Variants in EYS observed in about 807,000 individuals in gnomAD.
EYS encodes the protein protein eyes shut homolog.
A neutral mutation model predicts 282.1 loss-of-function variants in EYS; 250 were observed. The ratio of observed to expected loss-of-function variants is 0.89; its 90% confidence interval spans 0.80 to 0.98. The LOEUF is 0.98. Ranked by LOEUF, EYS falls within the 50% of genes least tolerant of loss-of-function variation. EYS has a pLI of 0.00. For missense variants in EYS, 4,016 were observed against 3,709.0 expected (o/e 1.08, Z -2.15); for synonymous variants, 1,355 against 1,282.9 (o/e 1.06, Z -1.20).
intron 41 of EYS, among the ~76,000 whole-genome samples, chr6:63,760,577 A>G (rs1204580553): frequency 6.6e-6 from 1 of 151,960 alleles, no homozygotes. Context: ...GAAATCTTCT[A>G]GACTTTCTTT....
chr6:64,672,448 T>C (rs923312527), intron 22 of EYS, among the ~76,000 whole-genome samples: 1 of 152,312 alleles, frequency 6.6e-6, no homozygotes, highest in East Asian at 1.9e-4. Flanking sequence ...CTAATTTAGG[T>C]ATAATGGGAT....
chr6:63,750,034 C>A (rs1769304422), intron 41 of EYS, among the ~76,000 whole-genome samples: 1 of 152,188 alleles, frequency 6.6e-6, no homozygotes, highest in African/African-American at 2.4e-5. Flanking sequence ...ATCAAGTCTG[C>A]TGTTAAACCC....
chr6:64,426,369 G>C (rs1040163497), intron 28 of EYS, among the ~76,000 whole-genome samples: 4 of 152,276 alleles, frequency 2.6e-5, no homozygotes, highest in Admixed American at 1.3e-4. Flanking sequence ...AGCTGTGTCA[G>C]TTGTGGGAAC....
chr6:65,486,162 T>C (rs1765775888), intron 5 of EYS, among the ~76,000 whole-genome samples: 1 of 152,196 alleles, frequency 6.6e-6, no homozygotes, highest in Non-Finnish European at 1.5e-5. Flanking sequence ...TTCAAATCAG[T>C]CATGATATTC....
intron 26 of EYS, among the ~76,000 whole-genome samples, chr6:64,521,557 C>T (rs1249158900): frequency 6.6e-6 from 1 of 151,678 alleles, no homozygotes; most frequent in African/African-American, 2.4e-5. Flanking sequence ...ATTACGGCTG[C>T]TCCTTCTATT....
chr6:65,472,741 C>T (rs1765260959), intron 5 of EYS, among the ~76,000 whole-genome samples: 1 of 152,024 alleles, frequency 6.6e-6, no homozygotes, highest in Non-Finnish European at 1.5e-5. Context: ...CACTCCATCT[C>T]ATTAACTGGT....
intron 26 of EYS, among the ~76,000 whole-genome samples, chr6:64,460,618 T>A (rs1352013806): frequency 2.0e-5 from 3 of 152,236 alleles, no homozygotes. Flanking sequence ...TAATGTAGTA[T>A]CTTTCTAAAG....
At chr6:63,872,879 T>C (rs1299414073) in intron 35 of EYS, among the ~76,000 whole-genome samples, 1 of 152,142 alleles carries the variant, frequency 6.6e-6, no homozygotes, top group Non-Finnish European at 1.5e-5. Context: ...TGTGTGGCTC[T>C]GTCTCTTGAC....
chr6:65,626,103 T>C (rs976409095), intron 2 of EYS, among the ~76,000 whole-genome samples: 3 of 152,148 alleles, frequency 2.0e-5, no homozygotes, highest in Non-Finnish European at 4.4e-5. Context: ...TCTTAGTCCC[T>C]AAGAGGTTCC....
At chr6:65,461,552 C>T (rs543754860) in intron 5 of EYS, among the ~76,000 whole-genome samples, 3 of 152,198 alleles carry the variant, frequency 2.0e-5, no homozygotes, top group South Asian at 4.1e-4. Flanking sequence ...GTTTCTGAAA[C>T]ATCTGCTGTG....
chr6:64,922,897 C>T (rs1360859425), intron 15 of EYS, among the ~76,000 whole-genome samples: 2 of 152,112 alleles, frequency 1.3e-5, no homozygotes, highest in East Asian at 3.9e-4. Context: ...AGTAAGAGAC[C>T]TACTTTGAAT....
intron 12 of EYS, among the ~76,000 whole-genome samples, chr6:65,252,127 A>G (rs1767343043): frequency 6.6e-6 from 1 of 151,916 alleles, no homozygotes; most frequent in South Asian, 2.1e-4. Flanking sequence ...AGTGAAGAGC[A>G]GAGTATTAAA....
At chr6:64,001,891 A>G (rs1768111724) in intron 33 of EYS, among the ~76,000 whole-genome samples, 1 of 152,198 alleles carries the variant, frequency 6.6e-6, no homozygotes, top group Non-Finnish European at 1.5e-5. Flanking sequence ...AGTGCTGGGT[A>G]GAGAAGGGCA....
intron 26 of EYS, among the ~76,000 whole-genome samples, chr6:64,500,486 A>C (rs1204691325): frequency 6.6e-6 from 1 of 152,146 alleles, no homozygotes; most frequent in Non-Finnish European, 1.5e-5. Flanking sequence ...TCATTTTAAA[A>C]GGCTAAATCA....
intron 22 of EYS, among the ~76,000 whole-genome samples, chr6:64,668,015 G>A (rs77296486): frequency 0.016 from 2,506 of 152,198 alleles, 58 homozygotes; most frequent in East Asian, 0.11. Context: ...ACAGTTGGGC[G>A]TAAGAATTTG....
intron 36 of EYS, among the ~76,000 whole-genome samples, chr6:63,828,491 T>A (rs767412237): frequency 1.3e-5 from 2 of 152,196 alleles, no homozygotes; most frequent in Non-Finnish European, 2.9e-5. Flanking sequence ...AATACAACCC[T>A]TCCAGCACAA....
chr6:65,492,916 T>A (rs1766100499), intron 4 of EYS, among the ~76,000 whole-genome samples: 4 of 152,272 alleles, frequency 2.6e-5, no homozygotes, highest in Middle Eastern at 3.4e-3. Context: ...CATCTTTTTA[T>A]TTTATCTTAT....
chr6:64,893,358 A>G (rs1260845581), intron 18 of EYS, among the ~76,000 whole-genome samples: 4 of 152,026 alleles, frequency 2.6e-5, no homozygotes, highest in Non-Finnish European at 2.9e-5. Flanking sequence ...ATAGATTAAA[A>G]ACATGAATCT....
intron 22 of EYS, among the ~76,000 whole-genome samples, chr6:64,725,778 T>G (rs1011558843): frequency 1.3e-5 from 2 of 152,078 alleles, no homozygotes; most frequent in East Asian, 3.9e-4. Flanking sequence ...TGATTTCACC[T>G]TCAGTAACTG....
Sources: allele counts gnomAD v4.1 joint callset (sites outside exome capture counted in the v4.1 genomes callset), GRCh38; gene constraint gnomAD v4.1.1; transcripts MANE v1.5; gene names NCBI Gene and HGNC (gene_info 2026-07-23, HGNC 2026-07-21).